SORBS2: variants seen among roughly 807,000 people sequenced by gnomAD.
SORBS2 encodes the protein sorbin and SH3 domain containing 2, also known as sorbin and SH3 domain-containing protein 2.
In SORBS2, 46 loss-of-function variants were observed where a neutral mutation model predicts 97.7. The observed-to-expected ratio is 0.47, with a 90% CI of 0.37 to 0.60. The LOEUF is 0.60. Ranked by LOEUF, SORBS2 falls within the 20% of genes least tolerant of loss-of-function variation. SORBS2 has a pLI of 0.00. For synonymous variants in SORBS2, 476 were observed against 473.4 expected, an observed-to-expected ratio of 1.01 and a Z score of -0.07; for missense variants, 1,316 against 1,282.3, an observed-to-expected ratio of 1.03 and a Z score of -0.40.
chr4:185,714,169 C>T (rs1221236672), intron 2 of SORBS2, among the ~76,000 whole-genome samples: 3 of 152,178 alleles, frequency 2.0e-5, no homozygotes, highest in African/African-American at 4.8e-5. Flanking sequence ...TGAGGCATTG[C>T]TTTATCAAAA....
chr4:185,768,580 T>C (rs549153734), intron 2 of SORBS2, among the ~76,000 whole-genome samples: 1 of 151,724 alleles, frequency 6.6e-6, no homozygotes, highest in Non-Finnish European at 1.5e-5. Flanking sequence ...GTGCCTGTAA[T>C]CCCAGCTACT....
chr4:185,663,595 T>C (rs1209140598), intron 4 of SORBS2, among the ~76,000 whole-genome samples: 1 of 152,242 alleles, frequency 6.6e-6, no homozygotes, highest in African/African-American at 2.4e-5. Flanking sequence ...AGAGCTTTTA[T>C]GTACCTCTGA....
In SORBS2 at chr4:185,641,871, C is replaced by T. The variant is rs185266635; in HGVS notation, c.396+4797G>A. Reference sequence around the variant, plus strand: ...CTACAACTATAAATCACAAGTGATCCTTACTTAAAAGCTACCAAGGGTGAA... The same window carrying T: ...CTACAACTATAAATCACAAGTGATCTTTACTTAAAAGCTACCAAGGGTGAA... On this transcript the variant is annotated intron_variant, in intron 4 of 14. Transcript: ENST00000418609. 1.8e-3 allele frequency among the ~76,000 whole-genome samples: 281 copies of T among 151,992 alleles called. 1 individual carries two copies. The highest frequency in any genetic ancestry group is 3.4e-3 in the Middle Eastern group (1 of 292).
chr4:185,749,233 C>G (rs1001591149), intron 2 of SORBS2, among the ~76,000 whole-genome samples: 4 of 152,160 alleles, frequency 2.6e-5, no homozygotes, highest in African/African-American at 9.7e-5. Flanking sequence ...ATGAAAGCAA[C>G]TGGGGACTGG....
chr4:185,693,626 T>C (rs1388099779), intron 2 of SORBS2, among the ~76,000 whole-genome samples: 2 of 152,214 alleles, frequency 1.3e-5, no homozygotes, highest in Non-Finnish European at 1.5e-5. Context: ...GGCAACGCTG[T>C]GCTTACAACT....
At chr4:185,955,166 T>C (rs931125346) in intron 1 of SORBS2, among the ~76,000 whole-genome samples, 5 of 152,314 alleles carry the variant, frequency 3.3e-5, no homozygotes, top group Admixed American at 1.3e-4. Context: ...TAGAGATCAC[T>C]AGGAAATGAA....
chr4:185,726,776 G>A (rs2098557071), intron 2 of SORBS2, among the ~76,000 whole-genome samples: 1 of 152,042 alleles, frequency 6.6e-6, no homozygotes, highest in Non-Finnish European at 1.5e-5. Context: ...AGAAACAGAT[G>A]AAGGAAAAAT....
intron 1 of SORBS2, among the ~76,000 whole-genome samples, chr4:185,778,265 A>T (rs2099009752): frequency 6.6e-6 from 1 of 152,194 alleles, no homozygotes; most frequent in African/African-American, 2.4e-5. Flanking sequence ...GTAAAAACAG[A>T]TTGCTGGGTC....
chr4:185,753,464 A>C (rs148210557), intron 2 of SORBS2, among the ~76,000 whole-genome samples: 12 of 152,360 alleles, frequency 7.9e-5, no homozygotes, highest in Non-Finnish European at 1.5e-4. Context: ...ATACTTTATA[A>C]AAATATAATC....
intron 4 of SORBS2, chr4:185,666,326 A>G (rs1210991551): frequency 4.1e-5 from 18 of 440,496 alleles, no homozygotes; most frequent in South Asian, 3.0e-4. Flanking sequence ...AAGGAGTTAC[A>G]TTCAGATGGG....
chr4:185,782,029 C>A (rs116147984), intron 1 of SORBS2, among the ~76,000 whole-genome samples: 2 of 152,236 alleles, frequency 1.3e-5, no homozygotes, highest in African/African-American at 4.8e-5. Context: ...ACATTCCTCC[C>A]GCAGGTACTG....
intron 1 of SORBS2, among the ~76,000 whole-genome samples, chr4:185,872,789 G>T (rs771277037): frequency 7.9e-5 from 12 of 152,154 alleles, no homozygotes; most frequent in Non-Finnish European, 1.6e-4. Flanking sequence ...CACAGAGGTG[G>T]GTACCTCAGG....
At chr4:185,627,704 T>G (rs1263041269) in intron 5 of SORBS2, among the ~76,000 whole-genome samples, 2 of 152,200 alleles carry the variant, frequency 1.3e-5, no homozygotes, top group East Asian at 3.8e-4. Flanking sequence ...TAGTTTACAT[T>G]TGAGTTCATG....
At chr4:185,694,193 G>T (rs1321273093) in intron 2 of SORBS2, among the ~76,000 whole-genome samples, 1 of 152,196 alleles carries the variant, frequency 6.6e-6, no homozygotes, top group Admixed American at 6.5e-5. Flanking sequence ...AAACTAAAGC[G>T]AATCTAATCT....
At chr4:185,909,482 G>A (rs182974541) in intron 1 of SORBS2, among the ~76,000 whole-genome samples, 30 of 151,998 alleles carry the variant, frequency 2.0e-4, no homozygotes, top group South Asian at 6.2e-4. Flanking sequence ...AGACTTCACC[G>A]CTACACAATA....
chr4:185,933,470 T>A (rs117270348), intron 1 of SORBS2: 1 of 152,100 alleles, frequency 6.6e-6, no homozygotes, highest in African/African-American at 2.4e-5. Flanking sequence ...TTCTGAAGGC[T>A]GGAAGCCTGA....
In SORBS2 at chr4:185,667,549, G is replaced by C. The variant is rs566443321; in HGVS notation, c.-45-5307C>G. On this transcript the variant is annotated intron_variant, in intron 4 of 20. Coordinates refer to the SORBS2 transcript ENST00000284776. ...CAGAAAGTTCTGCATAAACTTCAGG[G>C]GGACAGAGACACTCTAAAGCATAAC... 2.6e-5 allele frequency among the ~76,000 whole-genome samples: 4 copies of C among 151,870 alleles called. No individual in the cohort carries two copies. In the East Asian group the frequency reaches 7.7e-4, roughly 29 times the overall value.
intron 1 of SORBS2, among the ~76,000 whole-genome samples, chr4:185,887,707 T>TG (rs1014567624): frequency 3.9e-5 from 6 of 152,166 alleles, no homozygotes; most frequent in African/African-American, 1.4e-4. Flanking sequence ...AGCTGAGGGG[T>TG]GGTAGCACCC....
At chr4:185,618,381 T>C (rs1285189823) in intron 9 of SORBS2, among the ~76,000 whole-genome samples, 2 of 152,238 alleles carry the variant, frequency 1.3e-5, no homozygotes, top group Admixed American at 6.5e-5. Flanking sequence ...CTACCTAACA[T>C]GTTTAATGTA....
Sources: gnomAD v4.1 joint callset for allele counts (sites outside exome capture counted in the v4.1 genomes callset) on GRCh38, gnomAD v4.1.1 for gene constraint, MANE v1.5 for transcripts, NCBI Gene and HGNC (gene_info 2026-07-23, HGNC 2026-07-21) for gene names.